Variants in HS3ST2 observed in about 807,000 individuals in gnomAD.
HS3ST2 encodes the protein heparan sulfate-glucosamine 3-sulfotransferase 2.
HS3ST2 carries 17 observed loss-of-function variants against 26.3 expected under a neutral mutation model. The observed-to-expected ratio is 0.65, with a 90% CI of 0.44 to 0.97. The LOEUF (loss-of-function observed/expected upper bound fraction) is 0.97. Among genes scored for constraint, HS3ST2 ranks in the 50% least tolerant of loss-of-function variants. The probability of loss-of-function intolerance (pLI) is 0.00; values close to 1 mark genes in which losing one functional copy is unlikely to be tolerated. For synonymous variants in HS3ST2, 237 were observed against 219.2 expected (o/e 1.08, Z -0.72); for missense variants, 402 against 501.2 (o/e 0.80, Z 1.89).
chr16:22,853,233 C>T (rs1343648180), intron 1 of HS3ST2, among the ~76,000 whole-genome samples: 1 of 152,174 alleles, frequency 6.6e-6, no homozygotes, highest in Non-Finnish European at 1.5e-5. Flanking sequence ...TATTCTGTCT[C>T]CTATCACCAA....
At chr16:22,864,601 G>A (rs1233754583) in intron 1 of HS3ST2, among the ~76,000 whole-genome samples, 1 of 152,168 alleles carries the variant, frequency 6.6e-6, no homozygotes, top group African/African-American at 2.4e-5. Flanking sequence ...TGCTCACAGA[G>A]AGATGGAGAA....
At chr16:22,862,279 T>C (rs1287101910) in intron 1 of HS3ST2, among the ~76,000 whole-genome samples, 1 of 150,780 alleles carries the variant, frequency 6.6e-6, no homozygotes, top group Non-Finnish European at 1.5e-5. Flanking sequence ...CCTCAGCTTT[T>C]TTTTTTTTTT....
At chr16:22,911,968 A>G (rs187677085) in intron 1 of HS3ST2, among the ~76,000 whole-genome samples, 139 of 152,248 alleles carry the variant, frequency 9.1e-4, no homozygotes, top group African/African-American at 3.2e-3. Context: ...CAAAAAATAC[A>G]AAAAATAGCT....
chr16:22,877,346 C>T (rs576034685), intron 1 of HS3ST2, among the ~76,000 whole-genome samples: 6 of 152,260 alleles, frequency 3.9e-5, no homozygotes, highest in Admixed American at 2.0e-4. Context: ...GCAGGATTGA[C>T]GGGGAGGATT....
chr16:22,911,340 G>A (rs751062689), intron 1 of HS3ST2, among the ~76,000 whole-genome samples: 3 of 152,162 alleles, frequency 2.0e-5, no homozygotes, highest in Non-Finnish European at 4.4e-5. Context: ...GGAATAAAGT[G>A]AAATCAAGAG....
At chr16:22,881,418 C>A (rs1265478388) in intron 1 of HS3ST2, among the ~76,000 whole-genome samples, 1 of 152,196 alleles carries the variant, frequency 6.6e-6, no homozygotes, top group Non-Finnish European at 1.5e-5. Context: ...CTGGGTCCTG[C>A]TTCTTGCTCG....
At chr16:22,858,092 G>A (rs1055932664) in intron 1 of HS3ST2, among the ~76,000 whole-genome samples, 1 of 127,782 alleles carries the variant, frequency 7.8e-6, no homozygotes, top group Non-Finnish European at 1.6e-5. Flanking sequence ...GAGCTCTTAG[G>A]CATTTTAGAA....
chr16:22,906,550 G>T (rs534835262), intron 1 of HS3ST2, among the ~76,000 whole-genome samples: 20 of 152,244 alleles, frequency 1.3e-4, no homozygotes, highest in African/African-American at 4.8e-4. Context: ...GCAGAGCCTT[G>T]GGCTAGAGAC....
chr16:22,857,333 C>T (rs559582012), intron 1 of HS3ST2, among the ~76,000 whole-genome samples: 58 of 152,320 alleles, frequency 3.8e-4, no homozygotes, highest in Non-Finnish European at 7.6e-4. Flanking sequence ...CTTCTTTCTT[C>T]AAGCTAGAGG....
chr16:22,864,515 G>C (rs1901720988), intron 1 of HS3ST2, among the ~76,000 whole-genome samples: 1 of 152,148 alleles, frequency 6.6e-6, no homozygotes, highest in South Asian at 2.1e-4. Context: ...TGTGTAGCTG[G>C]TCTGGTCCAG....
intron 1 of HS3ST2, among the ~76,000 whole-genome samples, chr16:22,883,155 A>G (rs938645662): frequency 6.6e-6 from 1 of 152,178 alleles, no homozygotes; most frequent in Non-Finnish European, 1.5e-5. Context: ...GCAGATGCCA[A>G]TTCCCAAGCA....
intron 1 of HS3ST2, among the ~76,000 whole-genome samples, chr16:22,831,125 A>G (rs1302047479): frequency 2.0e-5 from 3 of 152,250 alleles, no homozygotes; most frequent in African/African-American, 4.8e-5. Context: ...GACTTTCTCC[A>G]TGATGGAATA....
intron 1 of HS3ST2, among the ~76,000 whole-genome samples, chr16:22,829,937 C>T (rs1901144593): frequency 6.6e-6 from 1 of 152,112 alleles, no homozygotes; most frequent in Non-Finnish European, 1.5e-5. Flanking sequence ...ATCACACAGA[C>T]CTTGGTCAAT....
chr16:22,841,850 C>T (rs7193998), intron 1 of HS3ST2, among the ~76,000 whole-genome samples: 5,345 of 152,090 alleles, frequency 0.035, 311 homozygotes, highest in African/African-American at 0.12. Context: ...TTTGCCTTCT[C>T]TTTCAATTAA....
At chr16:22,831,432 T>C (rs988992184) in intron 1 of HS3ST2, among the ~76,000 whole-genome samples, 1 of 152,162 alleles carries the variant, frequency 6.6e-6, no homozygotes, top group Non-Finnish European at 1.5e-5. Flanking sequence ...TGGGGCATCA[T>C]GGGAAAGCAA....
At chr16:22,887,500 G>A (rs1194430656) in intron 1 of HS3ST2, among the ~76,000 whole-genome samples, 3 of 152,144 alleles carry the variant, frequency 2.0e-5, no homozygotes, top group Non-Finnish European at 4.4e-5. Context: ...CCAAAGACCT[G>A]ACCTTCACAT....
chr16:22,832,673 T>C (rs184801446), intron 1 of HS3ST2, among the ~76,000 whole-genome samples: 12 of 151,530 alleles, frequency 7.9e-5, no homozygotes, highest in Admixed American at 6.6e-4. Flanking sequence ...ATGCATCTCA[T>C]AAAAGGAGTG....
chr16:22,879,790 T>A (rs1236988378), intron 1 of HS3ST2, among the ~76,000 whole-genome samples: 1 of 152,140 alleles, frequency 6.6e-6, no homozygotes, highest in Non-Finnish European at 1.5e-5. Context: ...TCCTCCAATA[T>A]GTTTGTGTCT....
chr16:22,830,599 G>T (rs571333403), intron 1 of HS3ST2, among the ~76,000 whole-genome samples: 3 of 152,290 alleles, frequency 2.0e-5, no homozygotes, highest in Admixed American at 6.5e-5. Flanking sequence ...GCAAATGGAG[G>T]TTTGTTGGGA....
Sources: gnomAD v4.1 joint callset for allele counts (sites outside exome capture counted in the v4.1 genomes callset) on GRCh38, gnomAD v4.1.1 for gene constraint, MANE v1.5 for transcripts, NCBI Gene and HGNC (gene_info 2026-07-23, HGNC 2026-07-21) for gene names.